The following TMEM62 variants were observed in gnomAD, a reference collection of about 807,000 sequenced individuals.
The protein encoded by TMEM62 is transmembrane protein 62.
In TMEM62, 41 loss-of-function variants were observed where a neutral mutation model predicts 70.4. The ratio of observed to expected loss-of-function variants is 0.58; its 90% confidence interval spans 0.45 to 0.76. The LOEUF (loss-of-function observed/expected upper bound fraction) is 0.76. Among genes scored for constraint, TMEM62 ranks in the 30% least tolerant of loss-of-function variants. TMEM62 has a pLI of 0.00. For synonymous variants in TMEM62, 268 were observed against 291.0 expected, an observed-to-expected ratio of 0.92 and a Z score of 0.80; for missense variants, 688 against 788.5, an observed-to-expected ratio of 0.87 and a Z score of 1.53.
At chr15:43,176,688 T>G (rs2040790313) in intron 11 of TMEM62, among the ~76,000 whole-genome samples, 1 of 151,728 alleles carries the variant, frequency 6.6e-6, no homozygotes, top group Non-Finnish European at 1.5e-5. Context: ...CATCTGTACA[T>G]CACCATCATC....
intron 11 of TMEM62, among the ~76,000 whole-genome samples, chr15:43,177,570 TATTCAGAATAGCAAAGA>T (rs1329621353): frequency 6.6e-6 from 1 of 152,104 alleles, no homozygotes; most frequent in African/African-American, 2.4e-5. Context: ...ATTGTGGCAC[TATTCAGAATAGCAAAGA>T]CTTGGAACCA....
chr15:43,168,729 C>A (rs1056686823), intron 10 of TMEM62, among the ~76,000 whole-genome samples: 1 of 152,212 alleles, frequency 6.6e-6, no homozygotes, highest in African/African-American at 2.4e-5. Flanking sequence ...TGGTGTCTCA[C>A]TGGGTCTTGT....
chr15:43,148,709 A>G (rs1221020420), intron 5 of TMEM62, 46 bp from the exon 6 acceptor site: 1 of 1,599,716 alleles, frequency 6.3e-7, no homozygotes, highest in Admixed American at 1.8e-5. Flanking sequence ...ATTAGATTTT[A>G]GCCTGAGCCC....
At chr15:43,145,275 A>G (rs1354754765) in intron 4 of TMEM62, among the ~76,000 whole-genome samples, 36 of 136,832 alleles carry the variant, frequency 2.6e-4, no homozygotes, top group African/African-American at 9.6e-4. Flanking sequence ...CACGATCTCC[A>G]CTCACTGCAA....
At chr15:43,183,973 A>G (rs1002880184) in intron 13 of TMEM62, 1 of 427,824 alleles carries the variant, frequency 2.3e-6, no homozygotes, top group African/African-American at 2.0e-5. Context: ...ACTCAGTTCA[A>G]TTCCAGCTTA....
chr15:43,152,455 C>G (rs2037515959), intron 8 of TMEM62, among the ~76,000 whole-genome samples: 2 of 152,088 alleles, frequency 1.3e-5, no homozygotes, highest in South Asian at 4.2e-4. Context: ...AGTGCAGTGG[C>G]CTGATCTTGG....
At position 43,154,680 on chromosome 15, in the gene TMEM62, C is replaced by A; in HGVS notation, c.1031C>A (p.Ala344Asp). The A allele has an allele frequency of 6.2e-7, 1 of 1,605,184 alleles. No individual in the cohort carries two copies. Reference protein sequence around the residue: ...LLHSTHIRVLAFSLSSITSVT... With the variant: ...LLHSTHIRVLDFSLSSITSVT... ...ATATGCTCTCATTTTAGAGTCTTGG[C>A]CTTTTCCTTATCCTCCATTACTTCT... Residue 344 changes from alanine (A) to aspartate (D), a missense_variant, in exon 9 of 14, where the codon GCC becomes GAC. Transcript: ENST00000260403.
intron 13 of TMEM62, among the ~76,000 whole-genome samples, chr15:43,181,890 A>T (rs1596369449): frequency 6.6e-6 from 1 of 152,264 alleles, no homozygotes; most frequent in Non-Finnish European, 1.5e-5. Flanking sequence ...TTGACAAAAA[A>T]ATGAAACAAG....
chr15:43,159,860 T>G (rs1310238208), intron 9 of TMEM62, among the ~76,000 whole-genome samples: 1 of 152,234 alleles, frequency 6.6e-6, no homozygotes, highest in Non-Finnish European at 1.5e-5. Flanking sequence ...TGTTGTTATT[T>G]CTAGGCCTTT....
upstream of TMEM62, chr15:43,133,402 G>C (rs1025427866): frequency 7.1e-5 from 13 of 182,044 alleles, no homozygotes; most frequent in South Asian, 3.9e-4. Flanking sequence ...CCGTTTTACA[G>C]GTAAGGAGAT....
At position 43,160,799 on chromosome 15, in the gene TMEM62, G is replaced by A; in HGVS notation, c.1296+5G>A. 3.3e-6 allele frequency: 5 copies of A among 1,515,036 alleles called. No homozygotes were observed. The highest frequency in any genetic ancestry group is 4.5e-6 in the Non-Finnish European group (5 of 1,099,424). 93.8% of individuals were successfully genotyped at this position (1,515,036 alleles called of 1,614,324 possible). A position where few individuals can be genotyped will look rare whatever the true frequency, so the allele number is the denominator to read the frequency against. On this transcript the variant is annotated splice_donor_5th_base_variant and intron_variant, in intron 10 of 13. Transcript: ENST00000260403. Reference sequence around the variant, plus strand: ...CGTACTGATCACTACATCATGGTAAGTGAATTCAATTAAATATTACATATG... The same window carrying A: ...CGTACTGATCACTACATCATGGTAAATGAATTCAATTAAATATTACATATG...
intron 3 of TMEM62, 83 bp from the exon 4 acceptor site, chr15:43,138,491 T>A: frequency 1.8e-6 from 2 of 1,120,202 alleles, no homozygotes; most frequent in Non-Finnish European, 2.6e-6. Flanking sequence ...GAAAGAATTA[T>A]TTTCCCTTAG....
At chr15:43,137,691 T>C (rs2035417679) in intron 3 of TMEM62, among the ~76,000 whole-genome samples, 1 of 152,202 alleles carries the variant, frequency 6.6e-6, no homozygotes, top group Admixed American at 6.5e-5. Flanking sequence ...ACATCTCCAC[T>C]GCCCGGGAAT....
rs1409723865 is a variant in TMEM62 at position 43,133,685 on chromosome 15, C to G, written c.-118C>G. ...CCAGCCCCGCATCCGGCGCCGGCCC[C>G]GCATCCAGCTCTGGCCCTGCGACAA... On this transcript the variant is annotated 5_prime_UTR_variant, in exon 1 of 14. Coordinates refer to ENST00000260403, the MANE Select transcript of TMEM62 (RefSeq NM_024956.4). 4.1e-6 allele frequency: 3 copies of G among 732,082 alleles called. No individual in the cohort carries two copies. Among genetic ancestry groups the G allele is most frequent in the Non-Finnish European group, 5.6e-6 (3 of 531,198 alleles). 45.3% of individuals were successfully genotyped at this position (732,082 alleles called of 1,614,324 possible).
intron 9 of TMEM62, among the ~76,000 whole-genome samples, chr15:43,159,159 T>C (rs759227106): frequency 1.3e-5 from 2 of 152,246 alleles, no homozygotes; most frequent in Non-Finnish European, 2.9e-5. Flanking sequence ...TGAGGTGTTT[T>C]GATACAGGCA....
chr15:43,153,052 C>T (rs1042390608), intron 8 of TMEM62, among the ~76,000 whole-genome samples: 3 of 152,160 alleles, frequency 2.0e-5, no homozygotes, highest in Admixed American at 6.5e-5. Context: ...TTTCATATCT[C>T]ATTGGTGAAC....
chr15:43,169,141 A>G (rs139056029), intron 10 of TMEM62: 1 of 156,034 alleles, frequency 6.4e-6, no homozygotes, highest in Non-Finnish European at 1.4e-5. Context: ...CCTTGATATG[A>G]TGTTAAAACC....
intron 11 of TMEM62, among the ~76,000 whole-genome samples, chr15:43,175,539 T>C (rs1380984815): frequency 1.3e-5 from 2 of 152,192 alleles, no homozygotes; most frequent in East Asian, 3.8e-4. Flanking sequence ...TACTGTAGAC[T>C]GTGGCCGCAG....
intron 8 of TMEM62, among the ~76,000 whole-genome samples, chr15:43,152,638 G>A (rs1018995884): frequency 4.6e-5 from 7 of 152,002 alleles, no homozygotes; most frequent in Non-Finnish European, 7.4e-5. Flanking sequence ...CAAGGGATCC[G>A]CCCTCCTACG....
Sources: gnomAD v4.1 joint callset for allele counts (sites outside exome capture counted in the v4.1 genomes callset) on GRCh38, gnomAD v4.1.1 for gene constraint, MANE v1.5 for transcripts, NCBI Gene and HGNC (gene_info 2026-07-23, HGNC 2026-07-21) for gene names.